The following FUT8 variants were observed in gnomAD, a reference collection of about 807,000 sequenced individuals.
The protein encoded by FUT8 is fucosyltransferase 8, also known as alpha-(1,6)-fucosyltransferase.
In FUT8, 29 loss-of-function variants were observed where a neutral mutation model predicts 71.3. The observed-to-expected ratio is 0.41, with a 90% confidence interval of 0.30 to 0.55. The LOEUF (loss-of-function observed/expected upper bound fraction) is 0.55. Among genes scored for constraint, FUT8 ranks in the 20% least tolerant of loss-of-function variants. The probability of loss-of-function intolerance (pLI) is 0.34; values close to 1 mark genes in which losing one functional copy is unlikely to be tolerated. For missense variants in FUT8, 544 were observed against 702.1 expected (o/e 0.77, Z 2.55); for synonymous variants, 254 against 239.3 (o/e 1.06, Z -0.57).
intron 2 of FUT8, among the ~76,000 whole-genome samples, chr14:65,478,057 GT>G (rs2139668518): frequency 6.6e-6 from 1 of 152,190 alleles, no homozygotes; most frequent in East Asian, 1.9e-4. Flanking sequence ...AGCCCTCTAA[GT>G]AAACTCCATT....
chr14:65,633,050 G>C (rs932270908), intron 6 of FUT8, among the ~76,000 whole-genome samples: 1 of 116,210 alleles, frequency 8.6e-6, no homozygotes, highest in African/African-American at 3.3e-5. Context: ...CTCTTTCCAC[G>C]GTCTCCCTCT....
chr14:65,365,758 T>C, the FUT8 span, among the ~76,000 whole-genome samples: 1 of 152,158 alleles, frequency 6.6e-6, no homozygotes, highest in Non-Finnish European at 1.5e-5. Context: ...ATGCAATCAA[T>C]AAATAACCAT....
intron 2 of FUT8, among the ~76,000 whole-genome samples, chr14:65,521,278 T>C (rs1229484432): frequency 6.6e-6 from 1 of 152,172 alleles, no homozygotes; most frequent in African/African-American, 2.4e-5. Flanking sequence ...AAACATGATG[T>C]TAGCATTTAT....
chr14:65,496,370 T>C (rs1029153499), intron 2 of FUT8, among the ~76,000 whole-genome samples: 4 of 152,186 alleles, frequency 2.6e-5, no homozygotes, highest in African/African-American at 9.6e-5. Flanking sequence ...TTTAGTCATA[T>C]AGGAACATTT....
At chr14:65,644,219 T>C (rs1480203899) in intron 6 of FUT8, among the ~76,000 whole-genome samples, 1 of 152,208 alleles carries the variant, frequency 6.6e-6, no homozygotes, top group African/African-American at 2.4e-5. Flanking sequence ...ATTCAACTTC[T>C]GGTGCTGTCT....
chr14:65,742,937 T>C lies in FUT8; in HGVS notation c.*527T>C, dbSNP rs1896576440. 1 of 152,256 alleles carries C rather than the reference T, an allele frequency of 6.6e-6. No individual in the cohort carries two copies. The highest frequency in any genetic ancestry group is 6.6e-5 in the Admixed American group (1 of 15,226). The allele number at this position is 152,256 out of a possible 1,614,324, so 9.4% of individuals were successfully genotyped here. The stretch of plus-strand genomic sequence containing the variant: ...TTTTTTTGTTTTTGTTTTTGTTTTT[T>C]CCTTTATAAGGTTGTCTGTTTTTTT... On this transcript the variant is annotated 3_prime_UTR_variant, in exon 11 of 11. Coordinates refer to ENST00000673929, the MANE Select transcript of FUT8 (RefSeq NM_001371533.1).
chr14:65,510,119 T>G (rs1390568157), intron 2 of FUT8, among the ~76,000 whole-genome samples: 1 of 152,148 alleles, frequency 6.6e-6, no homozygotes, highest in Non-Finnish European at 1.5e-5. Context: ...TCTATACTCA[T>G]GTTTTTGAGG....
intron 3 of FUT8, among the ~76,000 whole-genome samples, chr14:65,583,839 T>C (rs1346621192): frequency 6.6e-6 from 1 of 152,150 alleles, no homozygotes; most frequent in East Asian, 1.9e-4. Context: ...AAGACAGCAA[T>C]TTATTTCCAT....
the FUT8 span, among the ~76,000 whole-genome samples, chr14:65,402,179 C>CCTCACTCCTA: frequency 6.7e-6 from 1 of 149,190 alleles, no homozygotes; most frequent in Non-Finnish European, 1.5e-5. Flanking sequence ...GTGTAGGAGC[C>CCTCACTCCTA]CAAAAGATGG....
chr14:65,630,857 A>G (rs1890146610), intron 6 of FUT8, among the ~76,000 whole-genome samples: 1 of 152,160 alleles, frequency 6.6e-6, no homozygotes, highest in Admixed American at 6.5e-5. Flanking sequence ...AACATCCTCC[A>G]CCCTCATCCT....
At chr14:65,525,480 G>T (rs1040803973) in intron 2 of FUT8, among the ~76,000 whole-genome samples, 1 of 152,044 alleles carries the variant, frequency 6.6e-6, no homozygotes, top group Non-Finnish European at 1.5e-5. Context: ...CTTGCTAGTG[G>T]TCTATCAATT....
the FUT8 span, among the ~76,000 whole-genome samples, chr14:65,361,799 C>CAAACAAAT: frequency 3.3e-4 from 48 of 147,098 alleles, no homozygotes; most frequent in African/African-American, 1.2e-3. Flanking sequence ...AGAAAACAAA[C>CAAACAAAT]AAACAAACAA....
chr14:65,479,257 A>G (rs2066292808), intron 2 of FUT8, among the ~76,000 whole-genome samples: 1 of 152,222 alleles, frequency 6.6e-6, no homozygotes, highest in Admixed American at 6.5e-5. Flanking sequence ...AATGTATGCA[A>G]ACAATTTAAT....
Position 65,672,514 on chromosome 14 carries a change from C to T in FUT8, c.835+3034C>T, listed in dbSNP as rs186538029. 8.5e-3 allele frequency among the ~76,000 whole-genome samples: 1,287 copies of T among 152,234 alleles called. 7 individuals are homozygous for T. Among genetic ancestry groups the T allele is most frequent in the Non-Finnish European group, 0.014 (930 of 68,010 alleles). On this transcript the variant is annotated intron_variant, in intron 7 of 10. Transcript: ENST00000673929. ...TTGCTCTGACACCCAGGCTGGAGTG[C>T]GGGGGCATGATCCTAGCTCACTGCA...
At chr14:65,402,739 A>G in the FUT8 span, among the ~76,000 whole-genome samples, 5 of 151,998 alleles carry the variant, frequency 3.3e-5, no homozygotes, top group East Asian at 1.9e-4. Context: ...GGCTCAAACA[A>G]TCTCCTGCCT....
chr14:65,663,377 T>G (rs1428874993), intron 6 of FUT8, among the ~76,000 whole-genome samples: 1 of 152,146 alleles, frequency 6.6e-6, no homozygotes, highest in Non-Finnish European at 1.5e-5. Flanking sequence ...TGCTTTATTT[T>G]TTTTTTCTAG....
intron 6 of FUT8, chr14:65,636,584 G>T (rs1890570406): frequency 1.3e-5 from 2 of 152,110 alleles, no homozygotes; most frequent in African/African-American, 4.8e-5. Flanking sequence ...AAATTTCCAT[G>T]TTGATTTTGT....
chr14:65,600,073 AT>A (rs1281840174), intron 3 of FUT8, among the ~76,000 whole-genome samples: 1 of 152,196 alleles, frequency 6.6e-6, no homozygotes, highest in Non-Finnish European at 1.5e-5. Flanking sequence ...GATAAACAGG[AT>A]TAGTATTGTA....
chr14:65,430,212 G>A (rs1369818205), intron 1 of FUT8: 1 of 145,344 alleles, frequency 6.9e-6, no homozygotes, highest in Admixed American at 6.9e-5. Context: ...GATATTTTTT[G>A]TAGAGACAGG....
Sources: allele counts gnomAD v4.1 joint callset (sites outside exome capture counted in the v4.1 genomes callset), GRCh38; gene constraint gnomAD v4.1.1; transcripts MANE v1.5; gene names NCBI Gene and HGNC (gene_info 2026-07-23, HGNC 2026-07-21).